SLC5A3: variants seen among roughly 807,000 people sequenced by gnomAD.
SLC5A3 encodes solute carrier family 5 member 3, also known as sodium/myo-inositol cotransporter.
In SLC5A3, 10 loss-of-function variants were observed where a neutral mutation model predicts 43.2. The ratio of observed to expected loss-of-function variants is 0.23; its 90% CI spans 0.14 to 0.39. The LOEUF (loss-of-function observed/expected upper bound fraction) is 0.39, where lower values mean the gene tolerates loss of function less well. Among genes scored for constraint, SLC5A3 ranks in the 10% least tolerant of loss-of-function variants. The probability of loss-of-function intolerance (pLI) is 1.00; values close to 1 mark genes in which losing one functional copy is unlikely to be tolerated. For missense variants in SLC5A3, 608 were observed against 893.4 expected, an observed-to-expected ratio of 0.68 and a Z score of 4.07; for synonymous variants, 349 against 322.0, an observed-to-expected ratio of 1.08 and a Z score of -0.90.
At chr21:34,083,270 T>A (rs1989499912) in intron 1 of SLC5A3, among the ~76,000 whole-genome samples, 1 of 152,216 alleles carries the variant, frequency 6.6e-6, no homozygotes, top group African/African-American at 2.4e-5. Flanking sequence ...GCTGGGAAGA[T>A]GCTCTTGCAA....
At chr21:34,077,051 C>T (rs1250967086) in intron 1 of SLC5A3, among the ~76,000 whole-genome samples, 1 of 152,200 alleles carries the variant, frequency 6.6e-6, no homozygotes, top group Non-Finnish European at 1.5e-5. Context: ...TATCCACCTC[C>T]ACCCTGCCCC....
rs1264973900 is a variant in SLC5A3 at position 34,103,544 on chromosome 21, A to G, written c.*6189A>G. The G allele has an allele frequency of 6.0e-6, 6 of 1,000,074 alleles. No individual in the cohort carries two copies. The highest frequency in any genetic ancestry group is 7.2e-6 in the Non-Finnish European group (6 of 829,924). The allele number at this position is 1,000,074 out of a possible 1,614,324, so 62.0% of individuals were successfully genotyped here. On this transcript the variant is annotated 3_prime_UTR_variant, in exon 2 of 2. Transcript: ENST00000381151. ...GGTACGTGACAACAGTTTATATTCCATGATAGAAAGCTAAAGTCCATAGAA... is the reference window on the plus strand; with the variant it reads ...GGTACGTGACAACAGTTTATATTCCGTGATAGAAAGCTAAAGTCCATAGAA...
At position 34,096,832 on chromosome 21, in the gene SLC5A3, C is replaced by T. The variant is rs1267260165; in HGVS notation, c.1634C>T (p.Thr545Ile). 1 of 1,614,058 alleles carries T rather than the reference C, an allele frequency of 6.2e-7. No individual in the cohort carries two copies. The change falls in exon 2 of 2, where the codon ACC (threonine) becomes ATC (isoleucine). Residue 545 changes from threonine (T) to isoleucine (I), a missense_variant. This residue lies in a region of SLC5A3 where 210 missense variants were observed against 224.8 expected (regional missense o/e 0.93). Transcript: ENST00000381151. The surrounding 1 kb of genome is among the most constrained non-coding windows in gnomAD (Gnocchi z 5.9). Reference protein sequence around the residue: ...PPTKEQIRTTTFWSKKNLVVK... With the variant: ...PPTKEQIRTTIFWSKKNLVVK... ...ACAAAGGAACAGATTCGAACCACCA[C>T]CTTTTGGTCTAAGAAGAACCTGGTG...
At chr21:34,078,202 CTCTT>C (rs1333015083) in intron 1 of SLC5A3, among the ~76,000 whole-genome samples, 1 of 152,046 alleles carries the variant, frequency 6.6e-6, no homozygotes, top group Non-Finnish European at 1.5e-5. Flanking sequence ...TTAATAATCT[CTCTT>C]TGTGTTTTAT....
chr21:34,078,137 A>G (rs1400001004), intron 1 of SLC5A3, among the ~76,000 whole-genome samples: 2 of 152,238 alleles, frequency 1.3e-5, no homozygotes, highest in East Asian at 3.9e-4. Flanking sequence ...CTAGCTGTCA[A>G]GTGGTCTTTT....
Position 34,102,953 on chromosome 21 carries a change from T to G in SLC5A3, c.*5598T>G, listed in dbSNP as rs994653322. On this transcript the variant is annotated 3_prime_UTR_variant, in exon 2 of 2. Coordinates refer to ENST00000381151, the MANE Select transcript of SLC5A3 (RefSeq NM_006933.7). Reference sequence around the variant, plus strand: ...TTTATCTTGGTAAATTCACCCTGTTTCCTAGTGCTGCTGGATAAAAGAGTG... The same window carrying G: ...TTTATCTTGGTAAATTCACCCTGTTGCCTAGTGCTGCTGGATAAAAGAGTG... The G allele has an allele frequency of 3.0e-6, 3 of 999,890 alleles. No homozygotes were observed. Among genetic ancestry groups the G allele is most frequent in the Non-Finnish European group, 3.6e-6 (3 of 829,934 alleles). 61.9% of individuals were successfully genotyped at this position (999,890 alleles called of 1,614,324 possible).
rs544230329 is a variant in SLC5A3, at chr21:34,103,839, G to T, written c.*6484G>T. On this transcript the variant is annotated 3_prime_UTR_variant, in exon 2 of 2. Coordinates refer to ENST00000381151, the MANE Select transcript of SLC5A3 (RefSeq NM_006933.7). ...TGTCAAGAATGCCAAAATTATATTTGGGGGTTACTAGCTAAAATGGGGTTT... is the reference window on the plus strand; with the variant it reads ...TGTCAAGAATGCCAAAATTATATTTTGGGGTTACTAGCTAAAATGGGGTTT... 1.1e-4 allele frequency: 115 copies of T among 1,000,072 alleles called. 2 individuals carry two copies. In the South Asian group the frequency reaches 5.0e-3, roughly 43 times the overall value. 61.9% of individuals were successfully genotyped at this position (1,000,072 alleles called of 1,614,324 possible).
Position 34,103,642 on chromosome 21 carries a change from C to G in SLC5A3, c.*6287C>G, listed in dbSNP as rs1457578126. ...CAAGACTAATAGTATTCTCTGTATC[C>G]CACAAGTGCCAGTCATAAAGGCCAC... On this transcript the variant is annotated 3_prime_UTR_variant, in exon 2 of 2. Transcript: ENST00000381151. 1 of 999,934 alleles carries G rather than the reference C, an allele frequency of 1.0e-6. No individual in the cohort carries two copies. The highest frequency in any genetic ancestry group is 1.2e-6 in the Non-Finnish European group (1 of 829,894). The allele number at this position is 999,934 out of a possible 1,614,324, so 61.9% of individuals were successfully genotyped here. A position where few individuals can be genotyped will look rare whatever the true frequency, so the allele number is the denominator to read the frequency against.
In SLC5A3 at chr21:34,098,834, C is replaced by T. The variant is rs1979096242; in HGVS notation, c.*1479C>T. On this transcript the variant is annotated 3_prime_UTR_variant, in exon 2 of 2. Transcript: ENST00000381151. ...TGTGTCTTCGTATGCTCAACACTGT[C>T]CTTTGTCCTCCATGAAAGATGAAGG... is the stretch of plus-strand genomic sequence containing the variant. The T allele has an allele frequency of 1.0e-6, 1 of 999,710 alleles. No individual in the cohort carries two copies. 61.9% of individuals were successfully genotyped at this position (999,710 alleles called of 1,614,324 possible).
chr21:34,087,127 TA>T (rs1978428857), intron 1 of SLC5A3, among the ~76,000 whole-genome samples: 1 of 152,220 alleles, frequency 6.6e-6, no homozygotes, highest in South Asian at 2.1e-4. Context: ...TACAGGTTTT[TA>T]CTATGTCATG....
chr21:34,080,554 T>C (rs2148653037), intron 1 of SLC5A3, among the ~76,000 whole-genome samples: 1 of 152,338 alleles, frequency 6.6e-6, no homozygotes, highest in East Asian at 1.9e-4. Context: ...TCTTAACTCA[T>C]TTGGTACATT....
rs1979066776 is a variant in SLC5A3 at position 34,098,320 on chromosome 21, G to A, written c.*965G>A. The A allele has an allele frequency of 1.0e-6, 1 of 999,976 alleles. No homozygotes were observed. Among genetic ancestry groups the A allele is most frequent in the East Asian group, 1.1e-4 (1 of 8,832 alleles). The allele number at this position is 999,976 out of a possible 1,614,324, so 61.9% of individuals were successfully genotyped here. On this transcript the variant is annotated 3_prime_UTR_variant, in exon 2 of 2. Transcript: ENST00000381151. ...CTAGGTGGATCCAGTTGGAAGATAT[G>A]TCCAGAAACCTGAAGAAAAATTGAC...
At position 34,099,262 on chromosome 21, in the gene SLC5A3, G is replaced by T; in HGVS notation, c.*1907G>T. On this transcript the variant is annotated 3_prime_UTR_variant, in exon 2 of 2. Transcript: ENST00000381151. ...AATAGATAGAGCTCATCATTTTCTT[G>T]TTTGGAAGTTGAGGCTGCGACATGT... The T allele has an allele frequency of 2.0e-6, 2 of 1,000,128 alleles. No homozygotes were observed. Among genetic ancestry groups the T allele is most frequent in the Non-Finnish European group, 2.4e-6 (2 of 829,962 alleles). 62.0% of individuals were successfully genotyped at this position (1,000,128 alleles called of 1,614,324 possible). A position where few individuals can be genotyped will look rare whatever the true frequency, so the allele number is the denominator to read the frequency against.
Position 34,104,479 on chromosome 21 carries a change from A to G in SLC5A3, c.*7124A>G. 1.0e-6 allele frequency: 1 copy of G among 998,266 alleles called. No homozygotes were observed. Among genetic ancestry groups the G allele is most frequent in the East Asian group, 1.1e-4 (1 of 8,816 alleles). 61.8% of individuals were successfully genotyped at this position (998,266 alleles called of 1,614,324 possible). A position where few individuals can be genotyped will look rare whatever the true frequency, so the allele number is the denominator to read the frequency against. ...TTCTCAGAATGGGAGAGAAATGACT[A>G]CCTTTGTTCCTACTCTTTTATATAA... On this transcript the variant is annotated 3_prime_UTR_variant, in exon 2 of 2. Coordinates refer to ENST00000381151, the MANE Select transcript of SLC5A3 (RefSeq NM_006933.7).
intron 1 of SLC5A3, among the ~76,000 whole-genome samples, chr21:34,074,843 T>C (rs1231579659): frequency 6.6e-6 from 1 of 152,200 alleles, no homozygotes; most frequent in East Asian, 1.9e-4. Flanking sequence ...TTAAGCTCAA[T>C]TGATAAACTA....
chr21:34,103,391 A>G lies in SLC5A3; in HGVS notation c.*6036A>G, dbSNP rs148183078. ...TTATTTAGGTTCAGTGAAACCAGGT[A>G]GTTCTGTATTTGTGTTGTAGCCTAA... On this transcript the variant is annotated 3_prime_UTR_variant, in exon 2 of 2. Transcript: ENST00000381151. 2 of 996,320 alleles carry G rather than the reference A, an allele frequency of 2.0e-6. No homozygotes were observed. Among genetic ancestry groups the G allele is most frequent in the Non-Finnish European group, 2.4e-6 (2 of 827,434 alleles). The allele number at this position is 996,320 out of a possible 1,614,324, so 61.7% of individuals were successfully genotyped here. A position where few individuals can be genotyped will look rare whatever the true frequency, so the allele number is the denominator to read the frequency against.
chr21:34,077,532 T>G (rs1207167749), intron 1 of SLC5A3, among the ~76,000 whole-genome samples: 4 of 152,224 alleles, frequency 2.6e-5, no homozygotes, highest in Non-Finnish European at 5.9e-5. Flanking sequence ...ACTAATTCAC[T>G]TGCTAAATGA....
At chr21:34,082,025 G>C (rs1989470464) in intron 1 of SLC5A3, among the ~76,000 whole-genome samples, 1 of 150,728 alleles carries the variant, frequency 6.6e-6, no homozygotes, top group African/African-American at 2.5e-5. Context: ...CCTCCTACCA[G>C]CCAGAAATCC....
chr21:34,103,668 C>A lies in SLC5A3; in HGVS notation c.*6313C>A. Reference sequence around the variant, plus strand: ...CACAAGTGCCAGTCATAAAGGCCACCAGGTATTTGTCTCAGAGTTGCTATG... The same window carrying A: ...CACAAGTGCCAGTCATAAAGGCCACAAGGTATTTGTCTCAGAGTTGCTATG... On this transcript the variant is annotated 3_prime_UTR_variant, in exon 2 of 2. Coordinates refer to ENST00000381151, the MANE Select transcript of SLC5A3 (RefSeq NM_006933.7). The A allele has an allele frequency of 1.0e-6, 1 of 1,000,074 alleles. No individual in the cohort carries two copies. The highest frequency in any genetic ancestry group is 1.2e-6 in the Non-Finnish European group (1 of 829,930). The allele number at this position is 1,000,074 out of a possible 1,614,324, so 62.0% of individuals were successfully genotyped here.
Sources: gnomAD v4.1 joint callset for allele counts (sites outside exome capture counted in the v4.1 genomes callset) on GRCh38, gnomAD v4.1.1 for gene constraint, gnomAD v4.1.1 regional missense constraint, Gnocchi (gnomAD v3.1) non-coding constraint, MANE v1.5 for transcripts, NCBI Gene and HGNC (gene_info 2026-07-23, HGNC 2026-07-21) for gene names.